ARHGEF12: variants seen among roughly 807,000 people sequenced by gnomAD.
ARHGEF12 encodes Rho guanine nucleotide exchange factor 12.
Under a neutral mutation model 211.2 loss-of-function variants are expected in ARHGEF12, and 66 were observed. That is an observed-to-expected ratio of 0.31 (90% CI 0.26 to 0.38). The LOEUF is 0.38. Ranked by LOEUF, ARHGEF12 falls within the 10% of genes least tolerant of loss-of-function variation. The pLI, the probability that ARHGEF12 is intolerant of heterozygous loss-of-function variation, is 1.00. For synonymous variants in ARHGEF12, 592 were observed against 638.4 expected (o/e 0.93, Z 1.09); for missense variants, 1,429 against 1,869.5 (o/e 0.76, Z 4.34).
chr11:120,414,894 C>T (rs558685), intron 4 of ARHGEF12, among the ~76,000 whole-genome samples: 150,555 of 152,310 alleles, frequency 0.99, 74,442 homozygotes, highest in Middle Eastern at 1. Flanking sequence ...GCCTGCCTGT[C>T]AGGATTACGT....
At position 120,339,005 on chromosome 11, in the gene ARHGEF12, C is replaced by CTTTTTTTTTTT. The variant is rs906260027; in HGVS notation, c.32+1738_32+1748dup. ...CTGAAAGCCTGTTTCTTTTCTTTTTCTTTTTTTTTTTTTTTTTTGGCCAGG... is the reference window on the plus strand; with the variant it reads ...CTGAAAGCCTGTTTCTTTTCTTTTTCTTTTTTTTTTTTTTTTTTTTTTTTTTTTTGGCCAGG... On this transcript the variant is annotated intron_variant, in intron 1 of 40. Coordinates refer to ENST00000397843, the MANE Select transcript of ARHGEF12 (RefSeq NM_015313.3). Among the ~76,000 whole-genome samples the CTTTTTTTTTTT allele has an allele frequency of 7.1e-4, 87 of 121,902 alleles. 1 individual carries two copies. Among genetic ancestry groups the CTTTTTTTTTTT allele is most frequent in the Middle Eastern group, 9.3e-3 (2 of 216 alleles). 80.0% of individuals were successfully genotyped at this position (121,902 alleles called of 152,430 possible).
At chr11:120,474,699 C>G in intron 32 of ARHGEF12, 64 bp downstream of exon 32, 3 of 1,320,328 alleles carry the variant, frequency 2.3e-6, no homozygotes, top group Non-Finnish European at 3.2e-6. Context: ...AGGAAAGTTT[C>G]CTATGACAAA....
intron 1 of ARHGEF12, among the ~76,000 whole-genome samples, chr11:120,350,514 C>CA (rs1049405896): frequency 0.024 from 1,920 of 80,892 alleles, 80 homozygotes; most frequent in South Asian, 0.22. Context: ...GACTCCGTCT[C>CA]AAAAAAAAAA....
intron 1 of ARHGEF12, among the ~76,000 whole-genome samples, chr11:120,379,425 A>T (rs1943817213): frequency 6.6e-6 from 1 of 152,024 alleles, no homozygotes; most frequent in South Asian, 2.1e-4. Flanking sequence ...ATTTGGCTGA[A>T]ATGTTAAAAG....
intron 1 of ARHGEF12, among the ~76,000 whole-genome samples, chr11:120,377,391 A>G (rs556093812): frequency 2.2e-4 from 33 of 151,592 alleles, no homozygotes; most frequent in African/African-American, 7.5e-4. Flanking sequence ...GGCTGGCTGG[A>G]GTACAGTGGC....
At position 120,469,227 on chromosome 11, in the gene ARHGEF12, C is replaced by A. The variant is rs1946798878; in HGVS notation, c.2855-61C>A. ...TTGAAATGAAATGAAATCTCATTTA[C>A]ATATATTTTATGGTTTTTTGCTCAG... On this transcript the variant is annotated intron_variant, in intron 29 of 40. Coordinates refer to ENST00000397843, the MANE Select transcript of ARHGEF12 (RefSeq NM_015313.3). 4 of 1,252,670 alleles carry A rather than the reference C, an allele frequency of 3.2e-6. No individual in the cohort carries two copies. In the South Asian group the frequency reaches 5.3e-5, roughly 17 times the overall value. 77.6% of individuals were successfully genotyped at this position (1,252,670 alleles called of 1,614,324 possible).
At position 120,487,240 on chromosome 11, in the gene ARHGEF12, C is replaced by G. The variant is rs1947421029; in HGVS notation, c.*2163C>G. On this transcript the variant is annotated 3_prime_UTR_variant, in exon 41 of 41. Transcript: ENST00000397843. ...TCAGTTTCTCTAGTTCAGCCAGTGT[C>G]TTGTCCTTAGTAATTATTTGCTTTC... 1 of 218,406 alleles carries G rather than the reference C, an allele frequency of 4.6e-6. No individual in the cohort carries two copies. Among genetic ancestry groups the G allele is most frequent in the Admixed American group, 5.8e-5 (1 of 17,290 alleles). 13.5% of individuals were successfully genotyped at this position (218,406 alleles called of 1,614,324 possible).
intron 1 of ARHGEF12, among the ~76,000 whole-genome samples, chr11:120,369,656 A>T (rs1237338879): frequency 6.6e-6 from 1 of 152,242 alleles, no homozygotes; most frequent in Non-Finnish European, 1.5e-5. Flanking sequence ...CTTTAAGCTA[A>T]TTAATTCTAA....
At chr11:120,440,291 G>T in intron 13 of ARHGEF12, 70 bp downstream of exon 13, 1 of 1,246,292 alleles carries the variant, frequency 8.0e-7, no homozygotes, top group Admixed American at 1.8e-5. Flanking sequence ...GCAAAAATGA[G>T]CACGTTCTGG....
intron 1 of ARHGEF12, among the ~76,000 whole-genome samples, chr11:120,351,426 TATATATATATATATATATATATATATA>T (rs1238260409): frequency 0.046 from 195 of 4,252 alleles, 14 homozygotes; most frequent in African/African-American, 0.12. Flanking sequence ...TATATATATA[TATATATATATATATATATATATATATA>T]TATTTTTTTT....
intron 4 of ARHGEF12, among the ~76,000 whole-genome samples, chr11:120,414,027 A>G (rs1014417002): frequency 2.0e-5 from 3 of 152,054 alleles, no homozygotes; most frequent in African/African-American, 7.2e-5. Flanking sequence ...AAATATGATC[A>G]TTGGTAATTA....
chr11:120,366,393 A>G (rs1394576648), intron 1 of ARHGEF12, among the ~76,000 whole-genome samples: 1 of 152,152 alleles, frequency 6.6e-6, no homozygotes, highest in Non-Finnish European at 1.5e-5. Context: ...TCTGGCCCCA[A>G]GCAGTCCTCC....
chr11:120,451,709 A>G lies in ARHGEF12; in HGVS notation c.2041A>G (p.Lys681Glu). The change falls in exon 22 of 41, where the codon AAA becomes GAA. Residue 681 changes from lysine (K) to glutamate (E), a missense_variant. Physicochemically the swap from Lys to Glu is moderately conservative, Grantham distance 56. Around this residue, in one of 7 missense-constraint regions of ARHGEF12, gnomAD observed 373 missense variants for 467.5 expected, o/e 0.80. Coordinates refer to ENST00000397843, the MANE Select transcript of ARHGEF12 (RefSeq NM_015313.3). ...GGCCTCTTTTTCCCAGGAAGGAGGG[A>G]AAGAGAATGATACAGGTGAGCTATT... ...SGASFSQEGG[K>E]ENDTGSKQVG... 6.2e-7 allele frequency: 1 copy of G among 1,613,794 alleles called. No individual in the cohort carries two copies. The highest frequency in any genetic ancestry group is 2.2e-5 in the East Asian group (1 of 44,866).
rs1441069997 is a variant in ARHGEF12 at position 120,475,222 on chromosome 11, A to G, written c.3110-118A>G. ...ATTTTAAAAGATAATATACAAGTCA[A>G]TTTTTAAAATTTTGTAGCTTTAACA... is the stretch of plus-strand genomic sequence containing the variant. On this transcript the variant is annotated intron_variant, in intron 32 of 40. Coordinates refer to ENST00000397843, the MANE Select transcript of ARHGEF12 (RefSeq NM_015313.3). 5.4e-6 allele frequency: 5 copies of G among 932,062 alleles called. No homozygotes were observed. In the East Asian group the frequency reaches 1.1e-4, roughly 20 times the overall value. 57.7% of individuals were successfully genotyped at this position (932,062 alleles called of 1,614,324 possible). A position where few individuals can be genotyped will look rare whatever the true frequency, so the allele number is the denominator to read the frequency against.
chr11:120,442,177 A>G lies in ARHGEF12; in HGVS notation c.1277A>G (p.His426Arg), dbSNP rs1436705074. The change falls in exon 15 of 41, where the codon CAT becomes CGT. Residue 426 changes from histidine to arginine, a missense_variant. Physicochemically the swap from His to Arg is conservative, Grantham distance 29. Transcript: ENST00000397843. ...KETRRIFLEF[H>R]QFFLDRSAHL... ...ACTCGTCGCATCTTCCTTGAGTTTC[A>G]TCAGTTCTTTCTAGATCGATCAGCA... 3 of 1,610,196 alleles carry G rather than the reference A, an allele frequency of 1.9e-6. No individual in the cohort carries two copies. The highest frequency in any genetic ancestry group is 2.5e-6 in the Non-Finnish European group (3 of 1,179,122).
chr11:120,452,753 T>G (rs1946249961), intron 22 of ARHGEF12, among the ~76,000 whole-genome samples: 1 of 152,118 alleles, frequency 6.6e-6, no homozygotes, highest in Non-Finnish European at 1.5e-5. Context: ...CCCAGCACTT[T>G]GGGAGGCTGA....
chr11:120,426,139 A>G (rs1231775173), intron 7 of ARHGEF12, among the ~76,000 whole-genome samples: 1 of 152,222 alleles, frequency 6.6e-6, no homozygotes, highest in Non-Finnish European at 1.5e-5. Flanking sequence ...ATACTTGAAT[A>G]AACTTGACCA....
chr11:120,380,882 G>A (rs544144936), intron 1 of ARHGEF12, among the ~76,000 whole-genome samples: 2 of 152,252 alleles, frequency 1.3e-5, no homozygotes, highest in South Asian at 4.1e-4. Flanking sequence ...CTAATGCTAG[G>A]TTTCTTTTCT....
At chr11:120,423,790 A>G (rs899539621) in intron 6 of ARHGEF12, among the ~76,000 whole-genome samples, 1 of 152,168 alleles carries the variant, frequency 6.6e-6, no homozygotes, top group Non-Finnish European at 1.5e-5. Context: ...AACTTGGATC[A>G]GAGAATTAAT....
Sources: allele counts gnomAD v4.1 joint callset (sites outside exome capture counted in the v4.1 genomes callset), GRCh38; gene constraint gnomAD v4.1.1; regional missense constraint gnomAD v4.1.1; transcripts MANE v1.5; gene names NCBI Gene and HGNC (gene_info 2026-07-23, HGNC 2026-07-21).